KIAA1671: variants seen among roughly 807,000 people sequenced by gnomAD.
The protein encoded by KIAA1671 is uncharacterized protein KIAA1671.
In KIAA1671, 52 loss-of-function variants were observed where a neutral mutation model predicts 131.2. The ratio of observed to expected loss-of-function variants is 0.40; its 90% CI spans 0.32 to 0.50. The LOEUF (loss-of-function observed/expected upper bound fraction) is 0.50. KIAA1671 is among the 20% of genes least tolerant of loss of function. The pLI is 0.73. For missense variants in KIAA1671, 2,360 were observed against 2,364.2 expected, an observed-to-expected ratio of 1.00 and a Z score of 0.04; for synonymous variants, 1,003 against 961.6, an observed-to-expected ratio of 1.04 and a Z score of -0.80.
At chr22:25,055,827 G>GATATAGATATAGAT (rs1316520488) in intron 6 of KIAA1671, 1 of 143,904 alleles carries the variant, frequency 6.9e-6, no homozygotes, top group African/African-American at 2.5e-5. Context: ...TATAGATATA[G>GATATAGATATAGAT]ATAGATATAG....
At position 25,028,606 on chromosome 22, in the gene KIAA1671, A is replaced by G; in HGVS notation, c.607A>G (p.Thr203Ala). The G allele has an allele frequency of 6.5e-7, 1 of 1,539,462 alleles. No individual in the cohort carries two copies. The highest frequency in any genetic ancestry group is 8.8e-7 in the Non-Finnish European group (1 of 1,141,220). Residue 203 changes from threonine (T) to alanine (A), a missense_variant, in exon 3 of 13, where the codon ACA becomes GCA. Physicochemically the swap from Thr to Ala is moderately conservative, Grantham distance 58. Around this residue, in one of 3 missense-constraint regions of KIAA1671, gnomAD observed 1,185 missense variants for 1,126.2 expected, o/e 1.05. Coordinates refer to ENST00000358431, the MANE Select transcript of KIAA1671 (RefSeq NM_001145206.2). ...CCGGTCAGCTCCCCTGTCTCAGGACACAAAACCACCTGTACCCCAAGAGGA... is the reference window on the plus strand; with the variant it reads ...CCGGTCAGCTCCCCTGTCTCAGGACGCAAAACCACCTGTACCCCAAGAGGA... The part of the protein sequence containing the change: ...LPRSAPLSQD[T>A]KPPVPQEEAG...
intron 6 of KIAA1671, among the ~76,000 whole-genome samples, chr22:25,068,899 G>C (rs5996829): frequency 0.13 from 19,375 of 152,218 alleles, 1,306 homozygotes; most frequent in African/African-American, 0.16. Context: ...CAGGGCCTCT[G>C]CCTGGTGCCT....
chr22:25,127,539 C>A (rs556783782), intron 6 of KIAA1671, among the ~76,000 whole-genome samples: 2 of 152,294 alleles, frequency 1.3e-5, no homozygotes, highest in East Asian at 3.9e-4. Flanking sequence ...TTCCCTGCCC[C>A]CCTTGCAAGA....
chr22:25,177,735 T>TGG (rs1934091238), intron 9 of KIAA1671, among the ~76,000 whole-genome samples: 1 of 152,338 alleles, frequency 6.6e-6, no homozygotes, highest in Admixed American at 6.5e-5. Context: ...ATGGATGAGA[T>TGG]GGGTGCATAT....
chr22:25,086,872 G>A (rs1318376719), intron 6 of KIAA1671, among the ~76,000 whole-genome samples: 4 of 152,164 alleles, frequency 2.6e-5, no homozygotes, highest in Non-Finnish European at 5.9e-5. Context: ...ATTTAGAGCC[G>A]GCTGAGCAGC....
At chr22:25,140,879 G>A (rs1409452060) in intron 6 of KIAA1671, among the ~76,000 whole-genome samples, 1 of 152,194 alleles carries the variant, frequency 6.6e-6, no homozygotes, top group Admixed American at 6.5e-5. Flanking sequence ...GGTTATTCCA[G>A]CTCCTGGACA....
chr22:25,026,106 A>G (rs1925929973), intron 2 of KIAA1671, among the ~76,000 whole-genome samples: 1 of 152,144 alleles, frequency 6.6e-6, no homozygotes, highest in Non-Finnish European at 1.5e-5. Flanking sequence ...CCGTGTCTAG[A>G]CAGTGTTCTC....
In KIAA1671 at chr22:25,027,141, C is replaced by T. The variant is rs1224509635; in HGVS notation, c.-55-804C>T. On this transcript the variant is annotated intron_variant, in intron 2 of 12. Coordinates refer to ENST00000358431, the MANE Select transcript of KIAA1671 (RefSeq NM_001145206.2). ...GTATGAAGGCAGTCAGCATAATATG[C>T]GTGTTCAACAGAAAAGAACCACAAA... 4.6e-5 allele frequency among the ~76,000 whole-genome samples: 7 copies of T among 151,116 alleles called. No individual in the cohort carries two copies. In the East Asian group the frequency reaches 5.9e-4, roughly 13 times the overall value.
intron 6 of KIAA1671, among the ~76,000 whole-genome samples, chr22:25,170,281 T>C (rs1189743152): frequency 6.6e-6 from 1 of 152,188 alleles, no homozygotes; most frequent in African/African-American, 2.4e-5. Flanking sequence ...ATCCACCCCA[T>C]GGGATTGTCG....
intron 4 of KIAA1671, among the ~76,000 whole-genome samples, chr22:25,038,091 C>A (rs766859041): frequency 5.6e-4 from 85 of 152,182 alleles, no homozygotes; most frequent in Non-Finnish European, 1.1e-3. Flanking sequence ...CTTGCTTTGG[C>A]CTCCCAAAGT....
chr22:25,170,980 C>G, intron 7 of KIAA1671, 42 bp downstream of exon 7: 1 of 1,514,798 alleles, frequency 6.6e-7, no homozygotes, highest in Non-Finnish European at 9.0e-7. Context: ...AAGGGGGCAG[C>G]TGGGCTGGAG....
At chr22:25,159,861 G>A (rs1933375932) in intron 6 of KIAA1671, among the ~76,000 whole-genome samples, 1 of 152,142 alleles carries the variant, frequency 6.6e-6, no homozygotes, top group African/African-American at 2.4e-5. Context: ...AAAGTTTGTG[G>A]TTTAGATTGC....
rs1926113307 is a variant in KIAA1671, at chr22:25,028,867, C to T, written c.868C>T (p.Arg290Trp). ...PRPLSMDLTA[R>W]FENKEALLRK... ...GCCCTTGTCCATGGACCTCACGGCC[C>T]GGTTTGAGAACAAAGAGGCCTTGCT... The change falls in exon 3 of 13, where the codon CGG becomes TGG. Residue 290 changes from arginine (R) to tryptophan (W), a missense_variant. By Grantham distance (101) the Arg-to-Trp change is moderately radical (BLOSUM62 -3). This residue lies in a region of KIAA1671 where 1,185 missense variants were observed against 1,126.2 expected (regional missense o/e 1.05). Coordinates refer to ENST00000358431, the MANE Select transcript of KIAA1671 (RefSeq NM_001145206.2). 28 of 1,551,020 alleles carry T rather than the reference C, an allele frequency of 1.8e-5. No homozygotes were observed. In the South Asian group the frequency reaches 2.1e-4, roughly 12 times the overall value.
In KIAA1671 at chr22:25,040,797, A is replaced by T. The variant is rs1926877454; in HGVS notation, c.3667A>T (p.Arg1223Trp). The T allele has an allele frequency of 6.4e-7, 1 of 1,551,590 alleles. No homozygotes were observed. Among genetic ancestry groups the T allele is most frequent in the Non-Finnish European group, 8.7e-7 (1 of 1,147,014 alleles). ...AGTCCCTGGGGAGGCTCAGGAGAGG[A>T]GGAGTCCCACCGTGGAGCCCAGTAC... ...LKVPGEAQER[R>W]SPTVEPSTLP... The change falls in exon 5 of 13, where the codon AGG (arginine) becomes TGG (tryptophan). Residue 1223 changes from arginine (R) to tryptophan (W), a missense_variant. By Grantham distance (101) the Arg-to-Trp change is moderately radical. Around this residue, in one of 3 missense-constraint regions of KIAA1671, gnomAD observed 1,161 missense variants for 1,204.7 expected, o/e 0.96. Transcript: ENST00000358431.
intron 6 of KIAA1671, among the ~76,000 whole-genome samples, chr22:25,089,494 G>T (rs1435652776): frequency 6.6e-6 from 1 of 151,732 alleles, no homozygotes; most frequent in Non-Finnish European, 1.5e-5. Context: ...GGTTGGTTTC[G>T]AACTCCCAAC....
intron 1 of KIAA1671, among the ~76,000 whole-genome samples, chr22:24,957,965 CT>C (rs140702390): frequency 0.18 from 20,826 of 114,342 alleles, 1,790 homozygotes; most frequent in East Asian, 0.44. Context: ...GGCACCCGGC[CT>C]TTTTTTTTTT....
intron 6 of KIAA1671, among the ~76,000 whole-genome samples, chr22:25,095,512 A>G (rs1190193560): frequency 6.6e-6 from 1 of 152,108 alleles, no homozygotes; most frequent in Non-Finnish European, 1.5e-5. Flanking sequence ...TTAGCCAGGC[A>G]TGGTGGCGGG....
At chr22:25,051,629 T>C (rs1275134116) in intron 6 of KIAA1671, 1 of 152,250 alleles carries the variant, frequency 6.6e-6, no homozygotes, top group Non-Finnish European at 1.5e-5. Flanking sequence ...CTGCTTTTTT[T>C]CTCACCTGTC....
intron 8 of KIAA1671, 83 bp from the exon 9 acceptor site, chr22:25,177,265 C>G (rs1357135499): frequency 7.6e-7 from 1 of 1,315,322 alleles, no homozygotes. Context: ...GTCAACGAAG[C>G]TGTGTACCGC....
Sources: gnomAD v4.1 joint callset for allele counts (sites outside exome capture counted in the v4.1 genomes callset) on GRCh38, gnomAD v4.1.1 for gene constraint, gnomAD v4.1.1 regional missense constraint, MANE v1.5 for transcripts, NCBI Gene and HGNC (gene_info 2026-07-23, HGNC 2026-07-21) for gene names.